Variants in BRCA1 observed in about 807,000 individuals in gnomAD.
BRCA1 encodes breast cancer type 1 susceptibility protein.
In BRCA1, 140 loss-of-function variants were observed where a neutral mutation model predicts 173.7. The observed-to-expected ratio is 0.81, with a 90% CI of 0.70 to 0.93. The LOEUF (loss-of-function observed/expected upper bound fraction) is 0.93. Ranked by LOEUF, BRCA1 falls within the 40% of genes least tolerant of loss-of-function variation. The pLI is 0.00. For synonymous variants in BRCA1, 662 were observed against 756.0 expected (o/e 0.88, Z 2.04); for missense variants, 1,983 against 2,172.5 (o/e 0.91, Z 1.73).
At chr17:43,100,665 T>TATGTTATATATATATACATATATATAAC (rs2054401264) in intron 6 of BRCA1, among the ~76,000 whole-genome samples, 1 of 6,118 alleles carries the variant, frequency 1.6e-4, no homozygotes, top group African/African-American at 6.1e-4. Context: ...AACATATATA[T>TATGTTATATATATATACATATATATAAC]ATATATATAT....
intron 7 of BRCA1, 41 bp downstream of exon 7, chr17:43,099,734 A>G: frequency 6.7e-7 from 1 of 1,502,912 alleles, no homozygotes; most frequent in Non-Finnish European, 9.3e-7. Flanking sequence ...TAAGGAATCC[A>G]GCAATTATTA....
chr17:43,093,281 G>T lies in BRCA1; in HGVS notation c.2250C>A (p.Leu750=), dbSNP rs1245494100. Residue 750 remains leucine (L), a synonymous_variant, in exon 10 of 23, where the codon CTC becomes CTA. Coordinates refer to ENST00000357654, the MANE Select transcript of BRCA1 (RefSeq NM_007294.4). Reference sequence around the variant, plus strand: ...GCAAAACCCTTTCTCCACTTAACATGAGATCTTTGGGGTCTTCAGCATTAT... The same window carrying T: ...GCAAAACCCTTTCTCCACTTAACATTAGATCTTTGGGGTCTTCAGCATTAT... The part of the protein sequence containing the change: ...VSNNAEDPKD[L]MLSGERVLQT... 1 of 1,614,020 alleles carries T rather than the reference G, an allele frequency of 6.2e-7. No individual in the cohort carries two copies.
rs371973519 is a variant in BRCA1 at position 43,104,104 on chromosome 17, G to A, written c.441+18C>T. On this transcript the variant is annotated intron_variant, in intron 6 of 22. Coordinates refer to ENST00000357654, the MANE Select transcript of BRCA1 (RefSeq NM_007294.4). ...AAGAAAAGAAGAAGAAGAAGAAGAA[G>A]AAAACAAATGGTTTTACCAAGGAAG... The A allele has an allele frequency of 7.7e-5, 120 of 1,561,146 alleles. No individual in the cohort carries two copies. The highest frequency in any genetic ancestry group is 3.4e-4 in the Middle Eastern group (2 of 5,864).
intron 14 of BRCA1, 87 bp from the exon 15 acceptor site, chr17:43,071,325 A>G (rs978333955): frequency 2.4e-5 from 35 of 1,478,796 alleles, no homozygotes; most frequent in Non-Finnish European, 3.1e-5. Context: ...AAAAAGACCA[A>G]TAAAGTTAGG....
At chr17:43,060,562 G>A (rs1391573963) in intron 18 of BRCA1, among the ~76,000 whole-genome samples, 1 of 151,816 alleles carries the variant, frequency 6.6e-6, no homozygotes, top group Non-Finnish European at 1.5e-5. Flanking sequence ...TGCGATCTTG[G>A]CTCACTGTAA....
At chr17:43,090,774 T>C (rs2053421119) in intron 11 of BRCA1, among the ~76,000 whole-genome samples, 170 bp downstream of exon 11, 1 of 152,192 alleles carries the variant, frequency 6.6e-6, no homozygotes, top group African/African-American at 2.4e-5. Flanking sequence ...AAAGGTAGTA[T>C]GAGTTCCATC....
At chr17:43,100,585 C>A (rs1184334377) in intron 6 of BRCA1, among the ~76,000 whole-genome samples, 18 of 93,494 alleles carry the variant, frequency 1.9e-4, no homozygotes, top group East Asian at 5.5e-4. Context: ...ATATATATAA[C>A]ATATATATAT....
intron 1 of BRCA1, among the ~76,000 whole-genome samples, chr17:43,148,968 T>G (rs1362978093): frequency 6.6e-6 from 1 of 152,222 alleles, no homozygotes; most frequent in Non-Finnish European, 1.5e-5. Context: ...CCTTGATATT[T>G]TGCGGGGGAC....
At chr17:43,128,453 C>T (rs927989670), upstream of BRCA1, among the ~76,000 whole-genome samples, 4 of 152,266 alleles carry the variant, frequency 2.6e-5, no homozygotes, top group Admixed American at 6.5e-5. Flanking sequence ...TACCACTCAC[C>T]GTGAGGGTCC....
intron 18 of BRCA1, among the ~76,000 whole-genome samples, chr17:43,062,855 CCA>C (rs1567768266): frequency 6.6e-6 from 1 of 152,058 alleles, no homozygotes; most frequent in Admixed American, 6.6e-5. Context: ...TCTTGGCCTC[CCA>C]CAGTGTTAGG....
chr17:43,165,507 C>G (rs886888387), intron 1 of BRCA1, among the ~76,000 whole-genome samples: 3 of 149,410 alleles, frequency 2.0e-5, no homozygotes, highest in African/African-American at 7.4e-5. Flanking sequence ...AACAGTTTTA[C>G]ATTCAGGAGG....
At chr17:43,083,113 G>C (rs375719814) in intron 11 of BRCA1, among the ~76,000 whole-genome samples, 1 of 151,776 alleles carries the variant, frequency 6.6e-6, no homozygotes, top group South Asian at 2.1e-4. Flanking sequence ...CTAGATTACT[G>C]GCTTGTGAGG....
In BRCA1 at chr17:43,092,717, T is replaced by C. The variant is rs80356851; in HGVS notation, c.2814A>G (p.Pro938=). The change falls in exon 10 of 23, where the codon CCA becomes CCG. Residue 938 remains proline (P), a synonymous_variant. Coordinates refer to ENST00000357654, the MANE Select transcript of BRCA1 (RefSeq NM_007294.4). ...TGATACTACATTTGGCATTATCAAC[T>C]GGCTTATCTTTCTGACCAACCACAG... is the stretch of plus-strand genomic sequence containing the variant. ...GFPVVGQKDK[P]VDNAKCSIKG... 543 of 1,614,178 alleles carry C rather than the reference T, an allele frequency of 3.4e-4. 1 individual carries two copies. The African/African-American group carries it at 6.1e-3, about 18-fold the overall frequency.
Position 43,074,482 on chromosome 17 carries a change from C to T in BRCA1, c.4524G>A (p.Trp1508Ter), listed in dbSNP as rs80356885. ...PSKCPSLDDR[W>*]YMHSCSGSLQ... ...GACTCCCAGAGCAACTGTGCATGTACCACCTATCATCTAATGATGGGCATT... is the reference window on the plus strand; with the variant it reads ...GACTCCCAGAGCAACTGTGCATGTATCACCTATCATCTAATGATGGGCATT... The change falls in exon 14 of 23, where the codon TGG becomes TGA. Residue 1508 changes from tryptophan (W) to a stop codon, truncating the protein, a stop_gained. Transcript: ENST00000357654. LOFTEE classifies it high-confidence loss of function. 3 of 1,614,058 alleles carry T rather than the reference C, an allele frequency of 1.9e-6. No homozygotes were observed. The highest frequency in any genetic ancestry group is 1.7e-6 in the Non-Finnish European group (2 of 1,179,964).
chr17:43,097,519 G>T lies in BRCA1; in HGVS notation c.548-230C>A, dbSNP rs184107364. Among the ~76,000 whole-genome samples, 3 of 152,202 alleles carry T rather than the reference G, an allele frequency of 2.0e-5. No individual in the cohort carries two copies. In the East Asian group the frequency reaches 5.8e-4, roughly 29 times the overall value. ...TGTAATCCCAGCACTTGAGGAGGCCGAGATGGGTGGATTATTTGAGGTTAG... is the reference window on the plus strand; with the variant it reads ...TGTAATCCCAGCACTTGAGGAGGCCTAGATGGGTGGATTATTTGAGGTTAG... On this transcript the variant is annotated intron_variant, in intron 7 of 22. Transcript: ENST00000357654.
intron 16 of BRCA1, 40 bp downstream of exon 16, chr17:43,067,568 G>A (rs1323457884): frequency 3.3e-6 from 5 of 1,522,708 alleles, no homozygotes; most frequent in Non-Finnish European, 4.6e-6. Flanking sequence ...GTGGTTTTAT[G>A]CAGCAGATGC....
chr17:43,050,921 T>C, intron 20 of BRCA1, 142 bp downstream of exon 20: 2 of 830,540 alleles, frequency 2.4e-6, no homozygotes, highest in South Asian at 1.5e-5. Flanking sequence ...GCTGTTTTGT[T>C]TGGAGAGTGG....
At chr17:43,131,546 C>T (rs1046063026) in intron 1 of BRCA1, among the ~76,000 whole-genome samples, 3 of 151,834 alleles carry the variant, frequency 2.0e-5, no homozygotes, top group African/African-American at 7.3e-5. Context: ...TTTATTGAAC[C>T]CCGTCTCTAC....
At chr17:43,130,767 C>T (rs1271014503) in intron 1 of BRCA1, among the ~76,000 whole-genome samples, 5 of 152,188 alleles carry the variant, frequency 3.3e-5, no homozygotes, top group Non-Finnish European at 5.9e-5. Context: ...GGTGAACTGA[C>T]CTGCTCACAG....
Sources: allele counts gnomAD v4.1 joint callset (sites outside exome capture counted in the v4.1 genomes callset), GRCh38; gene constraint gnomAD v4.1.1; transcripts MANE v1.5; gene names NCBI Gene and HGNC (gene_info 2026-07-23, HGNC 2026-07-21).